RAD17: variants seen among roughly 807,000 people sequenced by gnomAD.
The protein encoded by RAD17 is cell cycle checkpoint protein RAD17.
RAD17 carries 31 observed loss-of-function variants against 81.5 expected under a neutral mutation model. The ratio of observed to expected loss-of-function variants is 0.38; its 90% CI spans 0.29 to 0.51. RAD17 has a LOEUF of 0.51. Ranked by LOEUF, RAD17 falls within the 20% of genes least tolerant of loss-of-function variation. RAD17 has a pLI of 0.88. For synonymous variants in RAD17, 261 were observed against 266.2 expected (o/e 0.98, Z 0.19); for missense variants, 681 against 781.2 (o/e 0.87, Z 1.53).
chr5:69,399,439 C>T (rs763404907), intron 16 of RAD17, among the ~76,000 whole-genome samples: 1 of 152,124 alleles, frequency 6.6e-6, no homozygotes, highest in Non-Finnish European at 1.5e-5. Flanking sequence ...TGGACTGGGT[C>T]GTCTCTGAGA....
chr5:69,372,203 G>A lies in RAD17; in HGVS notation c.-6G>A, dbSNP rs781305109. ...GTACCAGTCACAATCTTTTGATGAG[G>A]ACGAAATGAATCAGGTAGCTATGAC... On this transcript the variant is annotated 5_prime_UTR_variant, in exon 4 of 19. Coordinates refer to ENST00000354868, the MANE Select transcript of RAD17 (RefSeq NM_133338.3). The A allele has an allele frequency of 1.2e-6, 2 of 1,608,172 alleles. No homozygotes were observed. Among genetic ancestry groups the A allele is most frequent in the Middle Eastern group, 1.7e-4 (1 of 6,048 alleles).
intron 16 of RAD17, among the ~76,000 whole-genome samples, chr5:69,398,905 G>T (rs1388580406): frequency 6.9e-6 from 1 of 145,914 alleles, no homozygotes; most frequent in Non-Finnish European, 1.5e-5. Flanking sequence ...AGGTGCAGTG[G>T]CTCACACCTG....
chr5:69,386,285 G>C lies in RAD17; in HGVS notation c.804G>C (p.Glu268Asp), dbSNP rs1173375531. 1 of 1,604,594 alleles carries C rather than the reference G, an allele frequency of 6.2e-7. No individual in the cohort carries two copies. The highest frequency in any genetic ancestry group is 8.5e-7 in the Non-Finnish European group (1 of 1,174,666). ...TGTTTCCCAAAGAAATTCAGGAAGA[G>C]TGTTCTATCTCAAATATTAGGTAAG... ...RLLFPKEIQE[E>D]CSISNISFNP... Residue 268 changes from glutamate (E) to aspartate (D), a missense_variant, in exon 10 of 19, where the codon GAG (glutamate) becomes GAC (aspartate). Glu to Asp is a conservative substitution (Grantham distance 45). Transcript: ENST00000354868.
intron 7 of RAD17, among the ~76,000 whole-genome samples, chr5:69,383,465 G>A (rs1156528978): frequency 6.6e-6 from 1 of 151,490 alleles, no homozygotes; most frequent in Non-Finnish European, 1.5e-5. Context: ...TGCAAGCTCC[G>A]CCTCCTGGGT....
chr5:69,405,331 T>G (rs2150874899), intron 17 of RAD17, among the ~76,000 whole-genome samples: 1 of 147,114 alleles, frequency 6.8e-6, no homozygotes, highest in South Asian at 2.2e-4. Context: ...TGAAAACCCA[T>G]CTCTACTAAA....
chr5:69,379,369 A>T (rs989251872), intron 6 of RAD17, among the ~76,000 whole-genome samples: 1 of 152,226 alleles, frequency 6.6e-6, no homozygotes, highest in Non-Finnish European at 1.5e-5. Context: ...GTGAGTGGTT[A>T]GTGACAGTCT....
intron 6 of RAD17, among the ~76,000 whole-genome samples, chr5:69,377,437 GTGTA>G (rs1304775780): frequency 0.016 from 412 of 25,686 alleles, 13 homozygotes; most frequent in African/African-American, 0.036. Flanking sequence ...GTGTGTGTGT[GTGTA>G]TATATATATA....
intron 11 of RAD17, 51 bp from the exon 12 acceptor site, chr5:69,388,983 T>C (rs1184286614): frequency 4.1e-6 from 4 of 963,984 alleles, no homozygotes; most frequent in Non-Finnish European, 5.8e-6. Flanking sequence ...TTTTTTGTTG[T>C]TGTTATTTTT....
intron 6 of RAD17, among the ~76,000 whole-genome samples, chr5:69,379,116 C>A (rs1466415383): frequency 1.3e-5 from 2 of 152,046 alleles, no homozygotes; most frequent in African/African-American, 4.8e-5. Context: ...GTGGTGTGTG[C>A]CTGTAGTCCC....
chr5:69,372,539 G>A (rs1763070179), intron 4 of RAD17, among the ~76,000 whole-genome samples: 1 of 152,026 alleles, frequency 6.6e-6, no homozygotes, highest in South Asian at 2.1e-4. Flanking sequence ...TATGCTATTA[G>A]AGTGTTAAAA....
rs1487761266 is a variant in RAD17 at position 69,414,621 on chromosome 5, T to C, written c.*329T>C. ...AGGATGCAAAAACGTTATTGGGGGG[T>C]TGTAAATATCAACTATTCAACAGTT... On this transcript the variant is annotated 3_prime_UTR_variant, in exon 19 of 19. Transcript: ENST00000354868. 1 of 357,972 alleles carries C rather than the reference T, an allele frequency of 2.8e-6. No homozygotes were observed. The highest frequency in any genetic ancestry group is 2.1e-5 in the African/African-American group (1 of 47,912). 22.2% of individuals were successfully genotyped at this position (357,972 alleles called of 1,614,324 possible). A position where few individuals can be genotyped will look rare whatever the true frequency, so the allele number is the denominator to read the frequency against.
At chr5:69,413,958 C>A in intron 18 of RAD17, 73 bp from the exon 19 acceptor site, 1 of 1,525,112 alleles carries the variant, frequency 6.6e-7, no homozygotes, top group South Asian at 1.2e-5. Flanking sequence ...GCTTCATAAT[C>A]ATCACACTCA....
intron 4 of RAD17, among the ~76,000 whole-genome samples, chr5:69,372,619 A>G (rs533584653): frequency 6.7e-6 from 1 of 149,788 alleles, no homozygotes; most frequent in African/African-American, 2.4e-5. Flanking sequence ...TATTAGCAAA[A>G]TTTTTTTTTT....
Position 69,371,473 on chromosome 5 carries a change from A to T in RAD17, c.-260A>T. ...CCCCAGGTGAATTATAGTTTAATGTACTGCAAGTCCTAAACTACGGATGGG... is the reference window on the plus strand; with the variant it reads ...CCCCAGGTGAATTATAGTTTAATGTTCTGCAAGTCCTAAACTACGGATGGG... On this transcript the variant is annotated 5_prime_UTR_variant, in exon 3 of 19. Coordinates refer to ENST00000354868, the MANE Select transcript of RAD17 (RefSeq NM_133338.3). 5.5e-6 allele frequency: 3 copies of T among 543,878 alleles called. No homozygotes were observed. The highest frequency in any genetic ancestry group is 2.5e-5 in the African/African-American group (1 of 40,602). 33.7% of individuals were successfully genotyped at this position (543,878 alleles called of 1,614,324 possible).
At position 69,371,472 on chromosome 5, in the gene RAD17, T is replaced by C; in HGVS notation, c.-261T>C. On this transcript the variant is annotated 5_prime_UTR_variant, in exon 3 of 19. Transcript: ENST00000354868. ...CCCCCAGGTGAATTATAGTTTAATG[T>C]ACTGCAAGTCCTAAACTACGGATGG... 1 of 752,944 alleles carries C rather than the reference T, an allele frequency of 1.3e-6. No homozygotes were observed. Among genetic ancestry groups the C allele is most frequent in the African/African-American group, 2.0e-5 (1 of 50,148 alleles). The allele number at this position is 752,944 out of a possible 1,614,324, so 46.6% of individuals were successfully genotyped here. A position where few individuals can be genotyped will look rare whatever the true frequency, so the allele number is the denominator to read the frequency against.
chr5:69,389,138 T>A lies in RAD17; in HGVS notation c.999T>A (p.Ser333=), dbSNP rs1764391881. ...RSAINSLQFS[S]SKGENNLRPR... The stretch of plus-strand genomic sequence containing the variant: ...CAATAAACAGCCTCCAGTTTTCTTC[T>A]TCAAAAGGTAACTATGGAAGATACA... The change falls in exon 12 of 19, where the codon TCT becomes TCA. Residue 333 remains serine (S), a synonymous_variant. Transcript: ENST00000354868. 6.4e-7 allele frequency: 1 copy of A among 1,574,458 alleles called. No homozygotes were observed. Among genetic ancestry groups the A allele is most frequent in the Non-Finnish European group, 8.6e-7 (1 of 1,158,380 alleles).
At chr5:69,375,937 C>G (rs1199661245) in intron 6 of RAD17, among the ~76,000 whole-genome samples, 1 of 151,962 alleles carries the variant, frequency 6.6e-6, no homozygotes, top group South Asian at 2.1e-4. Context: ...AAGTCTCACA[C>G]TGGATTTGTT....
intron 17 of RAD17, among the ~76,000 whole-genome samples, chr5:69,407,588 T>TAGGC (rs1265942071): frequency 2.1e-5 from 3 of 140,838 alleles, no homozygotes; most frequent in Admixed American, 7.3e-5. Flanking sequence ...TTTTTTTTTT[T>TAGGC]TTTTTGGAGA....
At chr5:69,369,405 G>C, upstream of RAD17, 2 of 1,593,720 alleles carry the variant, frequency 1.3e-6, no homozygotes, top group South Asian at 1.1e-5. Flanking sequence ...CCGATGCCCA[G>C]AGCACTCTGC....
Sources: gnomAD v4.1 joint callset for allele counts (sites outside exome capture counted in the v4.1 genomes callset) on GRCh38, gnomAD v4.1.1 for gene constraint, MANE v1.5 for transcripts, NCBI Gene and HGNC (gene_info 2026-07-23, HGNC 2026-07-21) for gene names.